DIP2C: variants seen among roughly 807,000 people sequenced by gnomAD.
The protein encoded by DIP2C is disco-interacting protein 2 homolog C.
A neutral mutation model predicts 192.4 loss-of-function variants in DIP2C; 33 were observed. The ratio of observed to expected loss-of-function variants is 0.17; its 90% CI spans 0.13 to 0.23. The LOEUF (loss-of-function observed/expected upper bound fraction) is 0.23. Ranked by LOEUF, DIP2C falls within the 10% of genes least tolerant of loss-of-function variation. The pLI is 1.00. For missense variants in DIP2C, 1,537 were observed against 2,110.1 expected (o/e 0.73, Z 5.32); for synonymous variants, 979 against 864.1 (o/e 1.13, Z -2.33).
chr10:533,060 T>C (rs1331809406), intron 1 of DIP2C, among the ~76,000 whole-genome samples: 1 of 152,098 alleles, frequency 6.6e-6, no homozygotes, highest in Non-Finnish European at 1.5e-5. Context: ...GTTTCCCACA[T>C]AAACCCCACT....
At chr10:670,217 C>T (rs772693969) in intron 1 of DIP2C, among the ~76,000 whole-genome samples, 11 of 152,106 alleles carry the variant, frequency 7.2e-5, no homozygotes, top group African/African-American at 1.7e-4. Flanking sequence ...TGCACACATA[C>T]GCACACGCAT....
At chr10:312,851 A>G (rs1490040660) in intron 31 of DIP2C, among the ~76,000 whole-genome samples, 6 of 152,210 alleles carry the variant, frequency 3.9e-5, no homozygotes, top group African/African-American at 1.4e-4. Context: ...ATTCCTTGAA[A>G]CCTAAATATT....
At chr10:483,418 C>T (rs916074133) in intron 2 of DIP2C, among the ~76,000 whole-genome samples, 1 of 152,230 alleles carries the variant, frequency 6.6e-6, no homozygotes, top group African/African-American at 2.4e-5. Flanking sequence ...GACAGCTGCA[C>T]ATGGTGCACA....
In DIP2C at chr10:646,071, C is replaced by G. The variant is rs559516310; in HGVS notation, c.85+43423G>C. ...AAGATTTATTTTGTTCTGAGAAGAGCAGGGGCACGTTCCCAGGTGAGGGGC... is the reference window on the plus strand; with the variant it reads ...AAGATTTATTTTGTTCTGAGAAGAGGAGGGGCACGTTCCCAGGTGAGGGGC... On this transcript the variant is annotated intron_variant, in intron 1 of 36. Coordinates refer to ENST00000280886, the MANE Select transcript of DIP2C (RefSeq NM_014974.3). Among the ~76,000 whole-genome samples, 19 of 152,308 alleles carry G rather than the reference C, an allele frequency of 1.2e-4. No individual in the cohort carries two copies. In the East Asian group the frequency reaches 3.1e-3, roughly 25 times the overall value.
chr10:554,284 G>A (rs1290296279), intron 1 of DIP2C, among the ~76,000 whole-genome samples: 2 of 152,252 alleles, frequency 1.3e-5, no homozygotes, highest in Non-Finnish European at 2.9e-5. Flanking sequence ...TGTAAGAGTG[G>A]TGAACAGGAC....
chr10:385,096 C>T (rs369571254), intron 14 of DIP2C, among the ~76,000 whole-genome samples: 7 of 150,756 alleles, frequency 4.6e-5, no homozygotes, highest in African/African-American at 7.3e-5. Context: ...CCAGGCTGCA[C>T]GGGCTGGGAG....
chr10:328,156 C>G (rs955520720), intron 30 of DIP2C, among the ~76,000 whole-genome samples: 8 of 152,226 alleles, frequency 5.3e-5, no homozygotes, highest in African/African-American at 1.9e-4. Flanking sequence ...ACAGCTCGAG[C>G]TGGCTTTGAC....
chr10:598,428 C>T (rs1397908252), intron 1 of DIP2C, among the ~76,000 whole-genome samples: 1 of 152,230 alleles, frequency 6.6e-6, no homozygotes, highest in Non-Finnish European at 1.5e-5. Context: ...ATATGGCCAG[C>T]CCACAAAACC....
At chr10:589,217 G>A (rs1234397729) in intron 1 of DIP2C, among the ~76,000 whole-genome samples, 1 of 152,144 alleles carries the variant, frequency 6.6e-6, no homozygotes, top group Non-Finnish European at 1.5e-5. Context: ...AGTCCTGTAT[G>A]CATTCTGGAC....
chr10:655,893 TCTA>T lies in DIP2C; in HGVS notation c.85+33598_85+33600del, dbSNP rs1485182044. ...TATTCTATGTTACCCTATAGAACAC[TCTA>T]CTATTTGTCCTATTGTATACTATAC... On this transcript the variant is annotated intron_variant, in intron 1 of 36. Coordinates refer to ENST00000280886, the MANE Select transcript of DIP2C (RefSeq NM_014974.3). Among the ~76,000 whole-genome samples the T allele has an allele frequency of 2.0e-4, 30 of 150,528 alleles. 1 individual carries two copies. The highest frequency in any genetic ancestry group is 3.4e-3 in the Middle Eastern group (1 of 290).
In DIP2C at chr10:302,898, C is replaced by T. The variant is rs112424489; in HGVS notation, c.3986+7133G>A. 4.4e-3 allele frequency among the ~76,000 whole-genome samples: 676 copies of T among 152,296 alleles called. 2 individuals are homozygous for T. Among genetic ancestry groups the T allele is most frequent in the Non-Finnish European group, 8.2e-3 (559 of 68,020 alleles). On this transcript the variant is annotated intron_variant, in intron 32 of 36. Coordinates refer to ENST00000280886, the MANE Select transcript of DIP2C (RefSeq NM_014974.3). Reference sequence around the variant, plus strand: ...CACAAAGGGCTACAACATCACTGCACGTGGCTGTAGACTCTGTAAACACTG... The same window carrying T: ...CACAAAGGGCTACAACATCACTGCATGTGGCTGTAGACTCTGTAAACACTG...
rs146658651 is a variant in DIP2C at position 584,303 on chromosome 10, A to G, written c.86-97773T>C. ...CCATCATGTCCTGTTGAAATGTTTT[A>G]GCTAATCAGGAACATCTTTACCAAG... On this transcript the variant is annotated intron_variant, in intron 1 of 36. Coordinates refer to ENST00000280886, the MANE Select transcript of DIP2C (RefSeq NM_014974.3). 1.2e-4 allele frequency among the ~76,000 whole-genome samples: 19 copies of G among 152,380 alleles called. No individual in the cohort carries two copies. In the East Asian group the frequency reaches 3.5e-3, roughly 28 times the overall value.
chr10:598,726 CTT>C (rs1409733303), intron 1 of DIP2C, among the ~76,000 whole-genome samples: 10 of 152,188 alleles, frequency 6.6e-5, no homozygotes, highest in African/African-American at 2.4e-4. Context: ...TTTAGATTCT[CTT>C]AAGTTTGAGA....
At chr10:416,031 G>A in intron 6 of DIP2C, 143 bp from the exon 7 acceptor site, 1 of 1,283,270 alleles carries the variant, frequency 7.8e-7, no homozygotes, top group Non-Finnish European at 1.1e-6. Context: ...GGCCCGAGGT[G>A]ATCATGCTGT....
intron 1 of DIP2C, among the ~76,000 whole-genome samples, chr10:607,892 G>T (rs925299687): frequency 6.6e-6 from 1 of 151,926 alleles, no homozygotes; most frequent in South Asian, 2.1e-4. Context: ...TGTGTCATTC[G>T]CTAAGACGTA....
intron 10 of DIP2C, among the ~76,000 whole-genome samples, chr10:397,843 G>A (rs560078229): frequency 6.6e-6 from 1 of 152,318 alleles, no homozygotes; most frequent in South Asian, 2.1e-4. Context: ...CCTCAGCCAA[G>A]GACATTCCAA....
At chr10:667,807 C>T (rs1857193276) in intron 1 of DIP2C, 1 of 152,240 alleles carries the variant, frequency 6.6e-6, no homozygotes, top group African/African-American at 2.4e-5. Context: ...ACAACATACA[C>T]AACTCACAAC....
At chr10:306,178 G>A (rs1589436102) in intron 32 of DIP2C, among the ~76,000 whole-genome samples, 1 of 151,822 alleles carries the variant, frequency 6.6e-6, no homozygotes, top group South Asian at 2.1e-4. Flanking sequence ...GCACATGTGG[G>A]ACTGTAATCT....
chr10:600,886 G>A (rs534447230), intron 1 of DIP2C, among the ~76,000 whole-genome samples: 85 of 148,250 alleles, frequency 5.7e-4, no homozygotes, highest in African/African-American at 2.1e-3. Flanking sequence ...TAACAAAGTT[G>A]GATAATTAAG....
Sources: gnomAD v4.1 joint callset for allele counts (sites outside exome capture counted in the v4.1 genomes callset) on GRCh38, gnomAD v4.1.1 for gene constraint, MANE v1.5 for transcripts, NCBI Gene and HGNC (gene_info 2026-07-23, HGNC 2026-07-21) for gene names.